The following ZFHX3 variants were observed in gnomAD, a reference collection of about 807,000 sequenced individuals.
The protein encoded by ZFHX3 is zinc finger homeobox 3, also known as zinc finger homeobox protein 3.
ZFHX3 carries 42 observed loss-of-function variants against 279.1 expected under a neutral mutation model. The observed-to-expected ratio is 0.15, with a 90% confidence interval of 0.12 to 0.19. The LOEUF (loss-of-function observed/expected upper bound fraction) is 0.19, where lower values mean the gene tolerates loss of function less well. Ranked by LOEUF, ZFHX3 falls within the 10% of genes least tolerant of loss-of-function variation. ZFHX3 has a pLI of 1.00. For synonymous variants in ZFHX3, 2,293 were observed against 1,957.8 expected, an observed-to-expected ratio of 1.17 and a Z score of -4.52; for missense variants, 4,981 against 4,754.0, an observed-to-expected ratio of 1.05 and a Z score of -1.40.
At chr16:73,491,736 T>C (rs1182537593) in intron 2 of ZFHX3, among the ~76,000 whole-genome samples, 2 of 152,130 alleles carry the variant, frequency 1.3e-5, no homozygotes, top group Non-Finnish European at 2.9e-5. Flanking sequence ...CACTTAGCAG[T>C]GTATAGAGAC....
intron 5 of ZFHX3, among the ~76,000 whole-genome samples, chr16:73,236,721 T>A (rs1304569963): frequency 1.3e-5 from 2 of 152,218 alleles, no homozygotes; most frequent in African/African-American, 4.8e-5. Context: ...ACATCCATTT[T>A]AAAAACAATT....
At chr16:73,561,296 T>C (rs1567519251) in intron 2 of ZFHX3, among the ~76,000 whole-genome samples, 1 of 152,196 alleles carries the variant, frequency 6.6e-6, no homozygotes, top group Non-Finnish European at 1.5e-5. Context: ...TGCATTAAGG[T>C]CATTCTGCAT....
intron 5 of ZFHX3, among the ~76,000 whole-genome samples, chr16:73,226,423 C>T (rs1019244766): frequency 4.6e-5 from 7 of 152,240 alleles, no homozygotes; most frequent in African/African-American, 1.4e-4. Flanking sequence ...TTAAAAAGTG[C>T]GCTCCTGCTT....
intron 4 of ZFHX3, among the ~76,000 whole-genome samples, chr16:72,863,496 TGACAGAGACAGAGAGAGAGAGA>T (rs947983932): frequency 1.5e-4 from 23 of 150,176 alleles, no homozygotes; most frequent in African/African-American, 5.2e-4. Flanking sequence ...CCAACTTGGG[TGACAGAGACAGAGAGAGAGAGA>T]GACAGAGACA....
chr16:73,136,268 C>A (rs1420900543), intron 6 of ZFHX3, among the ~76,000 whole-genome samples: 1 of 152,060 alleles, frequency 6.6e-6, no homozygotes, highest in East Asian at 1.9e-4. Context: ...ACAAGGAGAT[C>A]TTGGGGACTC....
intron 4 of ZFHX3, among the ~76,000 whole-genome samples, chr16:72,838,072 A>C (rs1216749139): frequency 6.6e-6 from 1 of 152,184 alleles, no homozygotes; most frequent in African/African-American, 2.4e-5. Context: ...TGCAGCAGGG[A>C]GGCCCTGCAG....
chr16:73,476,963 CAGAT>C (rs1257946867), intron 2 of ZFHX3, among the ~76,000 whole-genome samples: 9 of 152,184 alleles, frequency 5.9e-5, no homozygotes, highest in Admixed American at 1.3e-4. Flanking sequence ...ACTGATAAAA[CAGAT>C]AGCCTTTAAA....
At chr16:73,550,625 G>A (rs139845458) in intron 2 of ZFHX3, among the ~76,000 whole-genome samples, 62 of 152,214 alleles carry the variant, frequency 4.1e-4, no homozygotes, top group African/African-American at 1.4e-3. Flanking sequence ...GAAGTGGTCT[G>A]GCTCTACCAT....
At chr16:73,239,758 C>T (rs907607288) in intron 5 of ZFHX3, among the ~76,000 whole-genome samples, 4 of 152,176 alleles carry the variant, frequency 2.6e-5, no homozygotes, top group Non-Finnish European at 5.9e-5. Flanking sequence ...ATCAGTAGTA[C>T]CAGACCTCCC....
intron 2 of ZFHX3, among the ~76,000 whole-genome samples, chr16:73,606,104 C>A (rs886419119): frequency 2.9e-5 from 4 of 139,958 alleles, no homozygotes; most frequent in Non-Finnish European, 6.0e-5. Context: ...ACGGCGTGAA[C>A]CCGGGAGGTG....
chr16:73,012,899 G>A (rs1363895181), intron 1 of ZFHX3, among the ~76,000 whole-genome samples: 1 of 152,150 alleles, frequency 6.6e-6, no homozygotes, highest in Non-Finnish European at 1.5e-5. Context: ...GGCCAGCCAA[G>A]GAATGAATTG....
chr16:72,793,765 T>G lies in ZFHX3; in HGVS notation c.8917A>C (p.Met2973Leu). The G allele has an allele frequency of 1.9e-6, 3 of 1,614,162 alleles. No individual in the cohort carries two copies. Among genetic ancestry groups the G allele is most frequent in the African/African-American group, 1.3e-5 (1 of 75,040 alleles). The part of the protein sequence containing the change: ...SCFNDYRTPT[M>L]LECEVLGNDI... The stretch of plus-strand genomic sequence containing the variant: ...TTGCCCAGGACCTCACATTCTAGCA[T>G]AGTGGGTGTCCTGTAGTCATTAAAG... The change falls in exon 9 of 10, where the codon ATG (methionine) becomes CTG (leucine). Residue 2973 changes from methionine to leucine, a missense_variant. Met to Leu is a conservative substitution (Grantham distance 15, BLOSUM62 2). This residue lies in a region of ZFHX3 where 168 missense variants were observed against 249.1 expected (regional missense o/e 0.67). Coordinates refer to ENST00000268489, the MANE Select transcript of ZFHX3 (RefSeq NM_006885.4). This position sits in a 1 kb window ranked among gnomAD's most constrained non-coding sequence, Gnocchi z 4.3.
rs1212088687 is a variant in ZFHX3 at position 73,716,637 on chromosome 16, ACACACACACACACGCATGCACG to A, written c.-1607-36419_-1607-36398del. On this transcript the variant is annotated intron_variant, in intron 1 of 17. Transcript: ENST00000641206. ...AACACACACACACACACACACACAC[ACACACACACACACGCATGCACG>A]CACGCACAGACCTAACCGCCCTCCT... Among the ~76,000 whole-genome samples the A allele has an allele frequency of 2.1e-3, 287 of 138,746 alleles. 1 individual carries two copies. Among genetic ancestry groups the A allele is most frequent in the Middle Eastern group, 0.011 (3 of 276 alleles). 91.0% of individuals were successfully genotyped at this position (138,746 alleles called of 152,430 possible). A position where few individuals can be genotyped will look rare whatever the true frequency, so the allele number is the denominator to read the frequency against.
chr16:72,985,646 G>A (rs754372632), intron 1 of ZFHX3, among the ~76,000 whole-genome samples: 6 of 152,128 alleles, frequency 3.9e-5, no homozygotes, highest in Admixed American at 1.3e-4. Context: ...ACAAAAAGAC[G>A]CCTTTAAAAA....
intron 1 of ZFHX3, among the ~76,000 whole-genome samples, chr16:73,058,151 G>A (rs1965604393): frequency 6.9e-6 from 1 of 145,288 alleles, no homozygotes; most frequent in Non-Finnish European, 1.5e-5. Context: ...CGCCGCGCGG[G>A]CCTCGCCCCG....
At chr16:73,519,832 A>G (rs1466164365) in intron 2 of ZFHX3, among the ~76,000 whole-genome samples, 1 of 152,206 alleles carries the variant, frequency 6.6e-6, no homozygotes, top group Non-Finnish European at 1.5e-5. Context: ...CCGTACTCAG[A>G]TATGGAAGTG....
intron 1 of ZFHX3, among the ~76,000 whole-genome samples, chr16:73,801,976 T>A (rs920123360): frequency 2.6e-5 from 4 of 152,166 alleles, no homozygotes; most frequent in Non-Finnish European, 5.9e-5. Context: ...GGATCTCTCC[T>A]CGCCGTTAGA....
At chr16:73,618,090 G>T (rs550544215) in intron 2 of ZFHX3, among the ~76,000 whole-genome samples, 2 of 152,286 alleles carry the variant, frequency 1.3e-5, no homozygotes, top group South Asian at 4.1e-4. Context: ...CCTGGCAAAT[G>T]AATTTGTTAC....
intron 5 of ZFHX3, among the ~76,000 whole-genome samples, chr16:73,212,368 G>A (rs2012051896): frequency 6.6e-6 from 1 of 152,094 alleles, no homozygotes; most frequent in South Asian, 2.1e-4. Flanking sequence ...ATATTTCCAT[G>A]TCAATGAATA....
Sources: gnomAD v4.1 joint callset for allele counts (sites outside exome capture counted in the v4.1 genomes callset) on GRCh38, gnomAD v4.1.1 for gene constraint, gnomAD v4.1.1 regional missense constraint, Gnocchi (gnomAD v3.1) non-coding constraint, MANE v1.5 for transcripts, NCBI Gene and HGNC (gene_info 2026-07-23, HGNC 2026-07-21) for gene names.